The following NUP37 variants were observed in gnomAD, a reference collection of about 807,000 sequenced individuals.
The protein encoded by NUP37 is nucleoporin Nup37.
NUP37 carries 33 observed loss-of-function variants against 45.4 expected under a neutral mutation model. The ratio of observed to expected loss-of-function variants is 0.73; its 90% confidence interval spans 0.55 to 0.97. NUP37 has a LOEUF of 0.97. Ranked by LOEUF, NUP37 falls within the 50% of genes least tolerant of loss-of-function variation. NUP37 has a pLI of 0.00. For synonymous variants in NUP37, 127 were observed against 130.7 expected, an observed-to-expected ratio of 0.97 and a Z score of 0.19; for missense variants, 365 against 389.7, an observed-to-expected ratio of 0.94 and a Z score of 0.53.
intron 4 of NUP37, 26 bp downstream of exon 4, chr12:102,101,006 A>G: frequency 7.3e-7 from 1 of 1,360,726 alleles, no homozygotes; most frequent in Non-Finnish European, 1.0e-6. Context: ...AATAAGCTCT[A>G]AAGATTTATA....
intron 8 of NUP37, among the ~76,000 whole-genome samples, chr12:102,075,874 TCTTA>T (rs1424925222): frequency 2.0e-5 from 3 of 151,772 alleles, no homozygotes; most frequent in Non-Finnish European, 2.9e-5. Flanking sequence ...CTTCTTCTCC[TCTTA>T]CTTTTTTTTT....
chr12:102,076,008 T>C (rs1879157002), intron 8 of NUP37, among the ~76,000 whole-genome samples: 1 of 152,042 alleles, frequency 6.6e-6, no homozygotes, highest in South Asian at 2.1e-4. Flanking sequence ...AGGGAAAGGA[T>C]GAAAAGGGTC....
chr12:102,107,720 T>C (rs532082899), intron 3 of NUP37, among the ~76,000 whole-genome samples: 2 of 152,200 alleles, frequency 1.3e-5, no homozygotes, highest in South Asian at 4.1e-4. Context: ...ATCTCATATA[T>C]ATAATGTGAA....
chr12:102,101,954 A>G (rs1416884945), intron 3 of NUP37, among the ~76,000 whole-genome samples: 1 of 152,004 alleles, frequency 6.6e-6, no homozygotes, highest in Non-Finnish European at 1.5e-5. Context: ...CGAACTCCTG[A>G]CCTCAGATGA....
chr12:102,112,004 T>C, intron 3 of NUP37, 104 bp downstream of exon 3: 5 of 1,061,242 alleles, frequency 4.7e-6, no homozygotes, highest in South Asian at 1.6e-5. Context: ...TCTTGGATTG[T>C]GGAAAATGGA....
At chr12:102,109,045 T>C (rs201703332) in intron 3 of NUP37, among the ~76,000 whole-genome samples, 1 of 152,200 alleles carries the variant, frequency 6.6e-6, no homozygotes, top group Non-Finnish European at 1.5e-5. Context: ...TACTGGGATC[T>C]AAATAAAACC....
intron 3 of NUP37, among the ~76,000 whole-genome samples, chr12:102,109,253 G>A (rs1488917360): frequency 6.6e-6 from 1 of 152,124 alleles, no homozygotes; most frequent in Non-Finnish European, 1.5e-5. Flanking sequence ...GAAAGGCAGG[G>A]AGAAAGAGAA....
chr12:102,110,994 T>A (rs941637446), intron 3 of NUP37, among the ~76,000 whole-genome samples: 1 of 152,174 alleles, frequency 6.6e-6, no homozygotes, highest in Non-Finnish European at 1.5e-5. Flanking sequence ...ACTCCTAAAT[T>A]AAATCATATA....
chr12:102,084,201 GC>G (rs1311134939), intron 6 of NUP37, among the ~76,000 whole-genome samples: 1 of 152,176 alleles, frequency 6.6e-6, no homozygotes, highest in African/African-American at 2.4e-5. Flanking sequence ...TAATCACAGT[GC>G]CTATCTCATG....
chr12:102,109,673 A>G (rs1880257126), intron 3 of NUP37, among the ~76,000 whole-genome samples: 1 of 152,192 alleles, frequency 6.6e-6, no homozygotes, highest in East Asian at 1.9e-4. Flanking sequence ...ATAGTTCCAA[A>G]AAGGTCTTGA....
chr12:102,105,862 A>C (rs1026788284), intron 3 of NUP37, among the ~76,000 whole-genome samples: 2 of 86,574 alleles, frequency 2.3e-5, no homozygotes, highest in Non-Finnish European at 5.0e-5. Flanking sequence ...ACTCCCTCTC[A>C]AAAAAAAAAA....
At chr12:102,076,276 C>T (rs947881674) in intron 8 of NUP37, among the ~76,000 whole-genome samples, 1 of 152,084 alleles carries the variant, frequency 6.6e-6, no homozygotes, top group Non-Finnish European at 1.5e-5. Flanking sequence ...TAAAATTTCA[C>T]TGGTTTTAGT....
intron 5 of NUP37, among the ~76,000 whole-genome samples, chr12:102,089,678 C>T (rs989335766): frequency 7.0e-5 from 10 of 143,058 alleles, no homozygotes; most frequent in East Asian, 4.4e-4. Context: ...ACTTCCCAGA[C>T]GGGGCAGCCG....
chr12:102,074,934 T>A, intron 9 of NUP37, 67 bp downstream of exon 9: 1 of 975,202 alleles, frequency 1.0e-6, no homozygotes. Context: ...GGGCTATGAG[T>A]GGAAAAGTCA....
At chr12:102,098,179 C>A (rs532765162) in intron 5 of NUP37, among the ~76,000 whole-genome samples, 3 of 152,278 alleles carry the variant, frequency 2.0e-5, no homozygotes, top group African/African-American at 7.2e-5. Flanking sequence ...CATTTCACTC[C>A]TGACTCCTCA....
At position 102,077,103 on chromosome 12, in the gene NUP37, G is replaced by A. The variant is rs898041809; in HGVS notation, c.722+219C>T. Reference sequence around the variant, plus strand: ...ATAAGTCAACATTGCACAGATCCAAGATTTCCTCTTTTGCACTGTCCTTTC... The same window carrying A: ...ATAAGTCAACATTGCACAGATCCAAAATTTCCTCTTTTGCACTGTCCTTTC... On this transcript the variant is annotated intron_variant, in intron 7 of 9. Transcript: ENST00000552283. 26 of 620,192 alleles carry A rather than the reference G, an allele frequency of 4.2e-5. No individual in the cohort carries two copies. The Admixed American group carries it at 7.3e-4, about 17-fold the overall frequency. The allele number at this position is 620,192 out of a possible 1,614,324, so 38.4% of individuals were successfully genotyped here. A position where few individuals can be genotyped will look rare whatever the true frequency, so the allele number is the denominator to read the frequency against.
Position 102,111,182 on chromosome 12 carries a change from A to C in NUP37, c.281+926T>G, listed in dbSNP as rs186639392. Among the ~76,000 whole-genome samples the C allele has an allele frequency of 1.9e-3, 285 of 152,328 alleles. 1 individual carries two copies. Among genetic ancestry groups the C allele is most frequent in the African/African-American group, 6.2e-3 (259 of 41,572 alleles). On this transcript the variant is annotated intron_variant, in intron 3 of 9. Coordinates refer to ENST00000552283, the MANE Select transcript of NUP37 (RefSeq NM_024057.4). ...GAAAAATTGCAAAAACAAGCCAGAC[A>C]CAAAAGACATTCTGTATGATCCCAC... is the stretch of plus-strand genomic sequence containing the variant.
chr12:102,096,807 A>G (rs897271811), intron 5 of NUP37, among the ~76,000 whole-genome samples: 1 of 152,128 alleles, frequency 6.6e-6, no homozygotes, highest in Non-Finnish European at 1.5e-5. Context: ...TTGTTTTTAT[A>G]TACGTTCTGT....
rs1247736049 is a variant in NUP37, at chr12:102,118,345, G to A, written c.156+18C>T. ...TGAAATATGTTCACTGTCATTCGGT[G>A]CAGTTTTGTAGACTAACCTGAAACG... On this transcript the variant is annotated intron_variant, in intron 2 of 9. Coordinates refer to ENST00000552283, the MANE Select transcript of NUP37 (RefSeq NM_024057.4). 1 of 1,603,744 alleles carries A rather than the reference G, an allele frequency of 6.2e-7. No homozygotes were observed. The highest frequency in any genetic ancestry group is 8.5e-7 in the Non-Finnish European group (1 of 1,175,586).
Sources: gnomAD v4.1 joint callset for allele counts (sites outside exome capture counted in the v4.1 genomes callset) on GRCh38, gnomAD v4.1.1 for gene constraint, MANE v1.5 for transcripts, NCBI Gene and HGNC (gene_info 2026-07-23, HGNC 2026-07-21) for gene names.